Variants in RIMBP2 observed in about 807,000 individuals in gnomAD.
The protein encoded by RIMBP2 is RIMS-binding protein 2.
RIMBP2 carries 48 observed loss-of-function variants against 118.6 expected under a neutral mutation model. That is an observed-to-expected ratio of 0.40 (90% confidence interval 0.32 to 0.51). RIMBP2 has a LOEUF of 0.51. Ranked by LOEUF, RIMBP2 falls within the 20% of genes least tolerant of loss-of-function variation. RIMBP2 has a pLI of 0.41. For missense variants in RIMBP2, 1,551 were observed against 1,768.3 expected (o/e 0.88, Z 2.20); for synonymous variants, 762 against 742.9 (o/e 1.03, Z -0.42).
rs749961429 is a variant in RIMBP2, at chr12:130,412,635, T to G, written c.3573A>C (p.Thr1191=). Residue 1191 remains threonine, a synonymous_variant, in exon 19 of 23, where the codon ACA becomes ACC. Coordinates refer to ENST00000690449, the MANE Select transcript of RIMBP2 (RefSeq NM_001393629.1). ...LLRQGFLPLN[T]PVEKIERSRR... ...TGCGCTTACCTATTTTCTCCACAGG[T>G]GTATTCAGAGGGAGAAAGCCCTGTC... The G allele has an allele frequency of 2.5e-6, 4 of 1,613,948 alleles. No individual in the cohort carries two copies. The highest frequency in any genetic ancestry group is 3.4e-6 in the Non-Finnish European group (4 of 1,179,956).
chr12:130,695,188 T>C (rs942668833), intron 1 of RIMBP2, among the ~76,000 whole-genome samples: 2 of 152,200 alleles, frequency 1.3e-5, no homozygotes, highest in African/African-American at 4.8e-5. Context: ...ACATCCTGCC[T>C]GGAGCCTTCC....
At chr12:130,504,110 C>T (rs761847772) in intron 4 of RIMBP2, among the ~76,000 whole-genome samples, 2 of 152,124 alleles carry the variant, frequency 1.3e-5, no homozygotes, top group Non-Finnish European at 2.9e-5. Flanking sequence ...AACATTCAGC[C>T]CCAATTTCAG....
intron 2 of RIMBP2, among the ~76,000 whole-genome samples, chr12:130,556,609 G>C (rs542111675): frequency 6.6e-6 from 1 of 152,340 alleles, no homozygotes; most frequent in East Asian, 1.9e-4. Flanking sequence ...CCAGGCCAGG[G>C]GAGCTGGAGC....
At chr12:130,689,212 C>T (rs985475791) in intron 1 of RIMBP2, among the ~76,000 whole-genome samples, 11 of 152,158 alleles carry the variant, frequency 7.2e-5, no homozygotes, top group Non-Finnish European at 1.5e-4. Flanking sequence ...GCGGGTGGAT[C>T]ATCTGAGGTC....
rs559367825 is a variant in RIMBP2 at position 130,693,135 on chromosome 12, C to T, written c.-352+23087G>A. On this transcript the variant is annotated intron_variant, in intron 1 of 22. Coordinates refer to ENST00000690449, the MANE Select transcript of RIMBP2 (RefSeq NM_001393629.1). ...TGGCCCTCCAGCTGCCCCCATACTCCTATGGGAGCATTTCTTAGGAAACAC... is the reference window on the plus strand; with the variant it reads ...TGGCCCTCCAGCTGCCCCCATACTCTTATGGGAGCATTTCTTAGGAAACAC... Among the ~76,000 whole-genome samples, 12 of 152,232 alleles carry T rather than the reference C, an allele frequency of 7.9e-5. No individual in the cohort carries two copies. The South Asian group carries it at 2.3e-3, about 29-fold the overall frequency.
At chr12:130,563,678 C>T (rs987285753) in intron 2 of RIMBP2, among the ~76,000 whole-genome samples, 3 of 152,086 alleles carry the variant, frequency 2.0e-5, no homozygotes, top group Non-Finnish European at 2.9e-5. Flanking sequence ...AATCTTGAGC[C>T]GGGTTGGCCA....
intron 2 of RIMBP2, among the ~76,000 whole-genome samples, chr12:130,555,277 G>GA: frequency 6.6e-6 from 1 of 152,116 alleles, no homozygotes; most frequent in Admixed American, 6.5e-5. Flanking sequence ...GCCCTCGCAG[G>GA]AAAAAATGGT....
Position 130,581,942 on chromosome 12 carries a change from C to T in RIMBP2, c.-217+46380G>A, listed in dbSNP as rs1332310598. On this transcript the variant is annotated intron_variant, in intron 2 of 22. Transcript: ENST00000690449. The surrounding 1 kb of genome is among the most constrained non-coding windows in gnomAD (Gnocchi z 4.4). ...GACCTGGCCTCTCCTCCCTCCCTGG[C>T]TCAGTCACTCTCACTTCACCACCAC... Among the ~76,000 whole-genome samples the T allele has an allele frequency of 6.6e-6, 1 of 152,112 alleles. No homozygotes were observed. The highest frequency in any genetic ancestry group is 1.5e-5 in the Non-Finnish European group (1 of 68,008).
At chr12:130,522,692 G>A (rs1355859492) in intron 2 of RIMBP2, among the ~76,000 whole-genome samples, 4 of 152,124 alleles carry the variant, frequency 2.6e-5, no homozygotes, top group Non-Finnish European at 4.4e-5. Flanking sequence ...AGGGAGGCAC[G>A]GACTTCCTGT....
At chr12:130,468,314 T>A (rs1040917711) in intron 6 of RIMBP2, among the ~76,000 whole-genome samples, 3 of 152,104 alleles carry the variant, frequency 2.0e-5, no homozygotes, top group African/African-American at 7.2e-5. Context: ...CTCAGTGGCA[T>A]GAGAAACATC....
chr12:130,414,223 T>A lies in RIMBP2; in HGVS notation c.3322A>T (p.Ile1108Phe). Reference sequence around the variant, plus strand: ...TCGTAGTCAAAGAGAGCCACAAAGATCCGGGCCGGGAGCTCTTCGGCACCA... The same window carrying A: ...TCGTAGTCAAAGAGAGCCACAAAGAACCGGGCCGGGAGCTCTTCGGCACCA... The part of the protein sequence containing the change: ...DPGAEELPAR[I>F]FVALFDYDPL... The change falls in exon 18 of 23, where the codon ATC (isoleucine) becomes TTC (phenylalanine). Residue 1108 changes from isoleucine to phenylalanine, a missense_variant. By Grantham distance (21) the Ile-to-Phe change is conservative. This residue lies in a region of RIMBP2 where 1,038 missense variants were observed against 1,125.1 expected (regional missense o/e 0.92). Transcript: ENST00000690449. 6.2e-7 allele frequency: 1 copy of A among 1,614,094 alleles called. No individual in the cohort carries two copies. Among genetic ancestry groups the A allele is most frequent in the Non-Finnish European group, 8.5e-7 (1 of 1,180,000 alleles).
chr12:130,521,396 G>A (rs976531428), intron 2 of RIMBP2, among the ~76,000 whole-genome samples: 2 of 152,194 alleles, frequency 1.3e-5, no homozygotes, highest in Non-Finnish European at 2.9e-5. Flanking sequence ...GGCACTAGCC[G>A]TGACAGTTCC....
intron 2 of RIMBP2, among the ~76,000 whole-genome samples, chr12:130,555,297 AAAT>A (rs758644582): frequency 1.8e-4 from 28 of 152,296 alleles, no homozygotes; most frequent in African/African-American, 6.5e-4. Flanking sequence ...TAAATTTAAA[AAAT>A]AATAATAATA....
chr12:130,664,267 T>A (rs2063774033), intron 1 of RIMBP2, among the ~76,000 whole-genome samples: 1 of 151,414 alleles, frequency 6.6e-6, no homozygotes, highest in Non-Finnish European at 1.5e-5. Context: ...GAGGAGAGGC[T>A]GGAATAAAAC....
intron 1 of RIMBP2, among the ~76,000 whole-genome samples, chr12:130,695,125 T>C (rs2065506036): frequency 6.6e-6 from 1 of 152,312 alleles, no homozygotes; most frequent in African/African-American, 2.4e-5. Flanking sequence ...CACTTAGTTG[T>C]CTGAGGTTTT....
intron 2 of RIMBP2, among the ~76,000 whole-genome samples, chr12:130,555,615 T>C (rs1056086279): frequency 6.6e-6 from 1 of 152,184 alleles, no homozygotes; most frequent in Non-Finnish European, 1.5e-5. Flanking sequence ...CATCTGAATG[T>C]CTTAAAATCT....
chr12:130,441,770 C>T, intron 11 of RIMBP2, 78 bp downstream of exon 11: 1 of 1,314,568 alleles, frequency 7.6e-7, no homozygotes, highest in Non-Finnish European at 1.1e-6. Context: ...TCTGCCTGCC[C>T]CACCTTCCCT....
intron 2 of RIMBP2, among the ~76,000 whole-genome samples, chr12:130,551,916 C>A (rs556116126): frequency 7.9e-5 from 12 of 152,308 alleles, no homozygotes; most frequent in Middle Eastern, 6.8e-3. Flanking sequence ...ATGTTAGTGG[C>A]AAATCATGAA....
chr12:130,624,481 TGTA>T (rs2061507358), intron 2 of RIMBP2, among the ~76,000 whole-genome samples: 1 of 152,204 alleles, frequency 6.6e-6, no homozygotes, highest in Non-Finnish European at 1.5e-5. Flanking sequence ...TGTGTGTGTG[TGTA>T]GATTTGTGTA....
Sources: allele counts gnomAD v4.1 joint callset (sites outside exome capture counted in the v4.1 genomes callset), GRCh38; gene constraint gnomAD v4.1.1; regional missense constraint gnomAD v4.1.1; non-coding constraint Gnocchi (gnomAD v3.1); transcripts MANE v1.5; gene names NCBI Gene and HGNC (gene_info 2026-07-23, HGNC 2026-07-21).